Variants in ADAMTSL1 observed in about 807,000 individuals in gnomAD.
ADAMTSL1 encodes the protein ADAMTS-like protein 1.
A neutral mutation model predicts 201.8 loss-of-function variants in ADAMTSL1; 126 were observed. The ratio of observed to expected loss-of-function variants is 0.62; its 90% confidence interval spans 0.54 to 0.72. The LOEUF is 0.72. ADAMTSL1 is among the 30% of genes least tolerant of loss of function. The pLI, the probability that ADAMTSL1 is intolerant of heterozygous loss-of-function variation, is 0.00. For synonymous variants in ADAMTSL1, 1,121 were observed against 903.4 expected, an observed-to-expected ratio of 1.24 and a Z score of -4.32; for missense variants, 2,679 against 2,277.8, an observed-to-expected ratio of 1.18 and a Z score of -3.59.
chr9:18,699,696 G>A (rs1047629310), intron 13 of ADAMTSL1, among the ~76,000 whole-genome samples: 7 of 152,154 alleles, frequency 4.6e-5, no homozygotes, highest in African/African-American at 1.7e-4. Context: ...ATTAGACAGG[G>A]ACACTCAATC....
chr9:18,229,992 C>G (rs1048418996), intron 2 of ADAMTSL1, among the ~76,000 whole-genome samples: 8 of 152,158 alleles, frequency 5.3e-5, no homozygotes, highest in Non-Finnish European at 8.8e-5. Context: ...CCACCGCACC[C>G]AGCCATTTAA....
intron 1 of ADAMTSL1, among the ~76,000 whole-genome samples, chr9:18,105,519 C>A (rs1448570021): frequency 6.6e-6 from 1 of 152,158 alleles, no homozygotes; most frequent in African/African-American, 2.4e-5. Context: ...AAGATACCAT[C>A]TTCTTAATTT....
chr9:18,470,743 G>T (rs114890395), upstream of ADAMTSL1, among the ~76,000 whole-genome samples: 276 of 152,344 alleles, frequency 1.8e-3, 1 homozygote, highest in African/African-American at 6.5e-3. Flanking sequence ...CACACTGAAT[G>T]TTAACAGCTT....
chr9:17,930,470 A>T (rs1826734056), intron 1 of ADAMTSL1, among the ~76,000 whole-genome samples: 3 of 152,096 alleles, frequency 2.0e-5, no homozygotes, highest in African/African-American at 7.2e-5. Flanking sequence ...ACAAGAAATC[A>T]GTTTCATGGT....
At chr9:18,117,360 C>T (rs1181630470) in intron 1 of ADAMTSL1, among the ~76,000 whole-genome samples, 7 of 152,108 alleles carry the variant, frequency 4.6e-5, no homozygotes, top group African/African-American at 1.4e-4. Flanking sequence ...CCGCCTTCAC[C>T]CTCGCTTCTC....
chr9:18,868,772 A>G (rs1827700175), intron 23 of ADAMTSL1, among the ~76,000 whole-genome samples: 1 of 151,972 alleles, frequency 6.6e-6, no homozygotes, highest in African/African-American at 2.4e-5. Flanking sequence ...AGCACCCTCA[A>G]CTCCGGAATT....
chr9:18,255,777 C>T (rs1056234891), intron 2 of ADAMTSL1, among the ~76,000 whole-genome samples: 6 of 152,164 alleles, frequency 3.9e-5, no homozygotes, highest in Non-Finnish European at 7.4e-5. Flanking sequence ...CTTGCCCACT[C>T]CCTCCCACCT....
At chr9:18,775,123 T>G (rs1820902651) in intron 17 of ADAMTSL1, among the ~76,000 whole-genome samples, 1 of 152,188 alleles carries the variant, frequency 6.6e-6, no homozygotes, top group African/African-American at 2.4e-5. Flanking sequence ...TGACTTATAT[T>G]TCCCAAATGG....
intron 4 of ADAMTSL1, among the ~76,000 whole-genome samples, chr9:18,612,998 G>A (rs1295830432): frequency 6.6e-6 from 1 of 151,954 alleles, no homozygotes; most frequent in East Asian, 1.9e-4. Flanking sequence ...GCATCTATAA[G>A]AAATTAAACA....
chr9:18,338,549 C>T (rs912757808), intron 2 of ADAMTSL1, among the ~76,000 whole-genome samples: 4 of 152,024 alleles, frequency 2.6e-5, no homozygotes, highest in South Asian at 2.1e-4. Flanking sequence ...TGGGCTCAAG[C>T]GATCCTCCTA....
chr9:18,601,541 G>T (rs1424569472), intron 4 of ADAMTSL1, among the ~76,000 whole-genome samples: 1 of 152,182 alleles, frequency 6.6e-6, no homozygotes, highest in Non-Finnish European at 1.5e-5. Flanking sequence ...CCATGGCCAG[G>T]GGATGGAGTG....
At chr9:18,383,057 A>G (rs886166451) in intron 2 of ADAMTSL1, among the ~76,000 whole-genome samples, 5 of 152,192 alleles carry the variant, frequency 3.3e-5, no homozygotes, top group African/African-American at 9.6e-5. Context: ...CAGCTAGACT[A>G]GGATCCATTT....
At chr9:17,991,863 G>C (rs997422813) in intron 1 of ADAMTSL1, among the ~76,000 whole-genome samples, 17 of 152,048 alleles carry the variant, frequency 1.1e-4, no homozygotes, top group African/African-American at 4.1e-4. Context: ...TTTTCCCTCG[G>C]GGGTGCTTCC....
intron 7 of ADAMTSL1, among the ~76,000 whole-genome samples, chr9:18,644,608 A>G (rs1025132586): frequency 2.6e-5 from 4 of 151,518 alleles, no homozygotes; most frequent in Non-Finnish European, 4.4e-5. Context: ...TCATTGTTCA[A>G]TTCCCATCTA....
intron 2 of ADAMTSL1, among the ~76,000 whole-genome samples, chr9:18,372,337 G>T (rs927579924): frequency 6.6e-6 from 1 of 152,140 alleles, no homozygotes; most frequent in African/African-American, 2.4e-5. Context: ...AAAGGTAATC[G>T]CATGCCGTGA....
intron 1 of ADAMTSL1, among the ~76,000 whole-genome samples, chr9:17,995,139 T>G (rs1477802848): frequency 2.0e-5 from 3 of 152,120 alleles, no homozygotes; most frequent in Non-Finnish European, 4.4e-5. Flanking sequence ...AGCAATGTCT[T>G]TTAGCTACAC....
rs1824142879 is a variant in ADAMTSL1 at position 18,594,614 on chromosome 9, A to G, written c.474+20348A>G. Among the ~76,000 whole-genome samples the G allele has an allele frequency of 2.0e-5, 3 of 151,946 alleles. No individual in the cohort carries two copies. In the South Asian group the frequency reaches 6.2e-4, roughly 31 times the overall value. On this transcript the variant is annotated intron_variant, in intron 4 of 28. Coordinates refer to ENST00000380548, the MANE Select transcript of ADAMTSL1 (RefSeq NM_001040272.6). ...TCCAGCTGTTTATGCTCTCTCTTAC[A>G]TTTTTCACTTTATTCATTATATGTT...
chr9:18,884,626 T>C (rs1473396633), intron 23 of ADAMTSL1, among the ~76,000 whole-genome samples: 1 of 152,198 alleles, frequency 6.6e-6, no homozygotes, highest in East Asian at 1.9e-4. Context: ...TGGATATCCA[T>C]TTTCCCAGAA....
chr9:18,825,599 A>G (rs1294618319), intron 21 of ADAMTSL1, among the ~76,000 whole-genome samples: 2 of 152,146 alleles, frequency 1.3e-5, no homozygotes, highest in African/African-American at 4.8e-5. Flanking sequence ...AAATATATCT[A>G]TACAGAAAAG....
Sources: gnomAD v4.1 joint callset for allele counts (sites outside exome capture counted in the v4.1 genomes callset) on GRCh38, gnomAD v4.1.1 for gene constraint, MANE v1.5 for transcripts, NCBI Gene and HGNC (gene_info 2026-07-23, HGNC 2026-07-21) for gene names.